The following KANTR variants were observed in gnomAD, a reference collection of about 807,000 sequenced individuals.
KANTR encodes the protein KDM5C adjacent transcript.
chrX:53,117,609 G>GT lies in KANTR; in HGVS notation c.-804-5835dup, dbSNP rs869034016. Among the ~76,000 whole-genome samples the GT allele has an allele frequency of 6.7e-3, 429 of 63,820 alleles. 24 individuals carry two copies. Among genetic ancestry groups the GT allele is most frequent in the African/African-American group, 0.027 (393 of 14,534 alleles). The allele number at this position is 63,820 out of a possible 115,157, so 55.4% of individuals were successfully genotyped here. A position where few individuals can be genotyped will look rare whatever the true frequency, so the allele number is the denominator to read the frequency against. ...TCATACTGTGTGTGTGTGTGTGTGT[G>GT]TTTTTTTTTTTTTTTTTTTTTTTTT... On this transcript the variant is annotated intron_variant, in intron 2 of 2. Transcript: ENST00000604062.
At chrX:53,143,686 A>G (rs1556818850), downstream of KANTR, 8 of 710,948 alleles carry the variant, frequency 1.1e-5, no homozygotes, top group Non-Finnish European at 1.6e-5. Flanking sequence ...CCAGATGGTG[A>G]TGATGCCATG....
chrX:53,116,618 C>T (rs1264233167), intron 2 of KANTR, among the ~76,000 whole-genome samples: 3 of 111,643 alleles, frequency 2.7e-5, no homozygotes, highest in African/African-American at 9.8e-5. Context: ...GGGATCACCA[C>T]AAGTGAAATG....
At chrX:53,130,652 T>C (rs782149175), downstream of KANTR, among the ~76,000 whole-genome samples, 267 of 112,500 alleles carry the variant, frequency 2.4e-3, no homozygotes, top group Non-Finnish European at 2.3e-3. Flanking sequence ...ATACATGGCA[T>C]GTAGTAAGCA....
intron 2 of KANTR, among the ~76,000 whole-genome samples, chrX:53,135,665 C>T (rs782215988): frequency 2.7e-5 from 3 of 111,938 alleles, no homozygotes; most frequent in South Asian, 7.5e-4. Flanking sequence ...CATAGTAATG[C>T]GCTGCAGGCC....
chrX:53,120,806 C>G (rs1313683542), intron 2 of KANTR, among the ~76,000 whole-genome samples: 2 of 110,771 alleles, frequency 1.8e-5, no homozygotes, highest in East Asian at 5.6e-4. Flanking sequence ...ACTGCAACCT[C>G]CGCCTCCCAG....
intron 2 of KANTR, among the ~76,000 whole-genome samples, chrX:53,117,052 C>T (rs1004908513): frequency 9.0e-6 from 1 of 111,309 alleles, no homozygotes; most frequent in Non-Finnish European, 1.9e-5. Context: ...GAGGCTGAGG[C>T]GGGTGAATCA....
At chrX:53,101,378 G>A (rs1015696780) in intron 2 of KANTR, among the ~76,000 whole-genome samples, 1 of 111,662 alleles carries the variant, frequency 9.0e-6, no homozygotes, top group African/African-American at 3.3e-5. Flanking sequence ...GGCTGAGGCG[G>A]GAGGACTGTG....
intron 2 of KANTR, among the ~76,000 whole-genome samples, chrX:53,137,465 G>A (rs1243827705): frequency 1.8e-5 from 2 of 112,177 alleles, no homozygotes; most frequent in Admixed American, 1.9e-4. Context: ...GCTCACGCCT[G>A]TAATCCCAGC....
At chrX:53,141,916 G>A in exon 3 of KANTR, 1 of 518,936 alleles carries the variant, frequency 1.9e-6, no homozygotes, top group Non-Finnish European at 2.5e-6. Flanking sequence ...GAAAACATCA[G>A]CTAAGAAAGG....
Position 53,103,099 on chromosome X carries a change from C to G in KANTR, c.-805+3491C>G, listed in dbSNP as rs782779263. Among the ~76,000 whole-genome samples, 13 of 108,103 alleles carry G rather than the reference C, an allele frequency of 1.2e-4. No individual in the cohort carries two copies. In the East Asian group the frequency reaches 3.8e-3, roughly 32 times the overall value. The allele number at this position is 108,103 out of a possible 115,157, so 93.9% of individuals were successfully genotyped here. On this transcript the variant is annotated intron_variant, in intron 2 of 2. Coordinates refer to ENST00000604062, the Ensembl canonical transcript of KANTR. ...TCCTGGGTTCAAGTGATTTTCCTGC[C>G]TCAGCCTCCAGAGTAGCTGAGATTA...
downstream of KANTR, among the ~76,000 whole-genome samples, chrX:53,144,124 G>A (rs1933541312): frequency 8.9e-6 from 1 of 111,893 alleles, no homozygotes; most frequent in Admixed American, 9.5e-5. Context: ...TCCTTGGCTG[G>A]GTGGCTACGC....
intron 2 of KANTR, 127 bp downstream of exon 2, chrX:53,099,735 C>A (rs1479768328): frequency 8.9e-6 from 1 of 111,768 alleles, no homozygotes; most frequent in East Asian, 2.8e-4. Context: ...CAATATTACT[C>A]CTTGATCCAT....
chrX:53,132,783 C>T (rs1353501508), intron 2 of KANTR, among the ~76,000 whole-genome samples: 3 of 111,481 alleles, frequency 2.7e-5, no homozygotes, highest in African/African-American at 9.8e-5. Context: ...CAGGGGCATA[C>T]ACAGGGAAAT....
At chrX:53,120,198 C>G (rs782373299) in intron 2 of KANTR, among the ~76,000 whole-genome samples, 4 of 110,647 alleles carry the variant, frequency 3.6e-5, no homozygotes, top group Non-Finnish European at 7.6e-5. Context: ...CCACACCCAG[C>G]TAATGTTGGT....
chrX:53,123,690 T>C (rs1556815813), exon 3 of KANTR: 1 of 111,653 alleles, frequency 9.0e-6, no homozygotes, highest in Admixed American at 9.6e-5. Flanking sequence ...TCTTGGAAAC[T>C]GGAACACAGA....
chrX:53,094,909 T>C (rs902911615), intron 1 of KANTR: 1 of 112,783 alleles, frequency 8.9e-6, no homozygotes, highest in Non-Finnish European at 1.9e-5. Flanking sequence ...CCTTCCTCCA[T>C]TGGATCTTTC....
chrX:53,138,719 AG>A (rs1556818024), intron 2 of KANTR, among the ~76,000 whole-genome samples: 3 of 107,530 alleles, frequency 2.8e-5, no homozygotes, highest in Non-Finnish European at 2.0e-5. Flanking sequence ...AAAAAAAAAA[AG>A]AAATATAAAC....
At chrX:53,101,750 C>T (rs1454297954) in intron 2 of KANTR, among the ~76,000 whole-genome samples, 1 of 112,171 alleles carries the variant, frequency 8.9e-6, no homozygotes, top group East Asian at 2.8e-4. Flanking sequence ...GTAATCCCAG[C>T]ACTTTGGGAG....
intron 2 of KANTR, among the ~76,000 whole-genome samples, chrX:53,115,248 C>T (rs1933105064): frequency 8.9e-6 from 1 of 111,953 alleles, no homozygotes; most frequent in Non-Finnish European, 1.9e-5. Context: ...AGCCTGGGAC[C>T]ACATGGCCTG....
Sources: gnomAD v4.1 joint callset for allele counts (sites outside exome capture counted in the v4.1 genomes callset) on GRCh38, gnomAD v4.1.1 for gene constraint, MANE v1.5 for transcripts, NCBI Gene and HGNC (gene_info 2026-07-23, HGNC 2026-07-21) for gene names.